The following FAM184B variants were observed in gnomAD, a reference collection of about 807,000 sequenced individuals.
FAM184B encodes family with sequence similarity 184 member B, also known as protein FAM184B.
In FAM184B, 111 loss-of-function variants were observed where a neutral mutation model predicts 135.9. That is an observed-to-expected ratio of 0.82 (90% confidence interval 0.70 to 0.96). The LOEUF is 0.96. Ranked by LOEUF, FAM184B falls within the 40% of genes least tolerant of loss-of-function variation. The probability of loss-of-function intolerance (pLI) is 0.00; values close to 1 mark genes in which losing one functional copy is unlikely to be tolerated. For synonymous variants in FAM184B, 552 were observed against 524.8 expected (o/e 1.05, Z -0.71); for missense variants, 1,375 against 1,323.9 (o/e 1.04, Z -0.60).
rs1239131681 is a variant in FAM184B at position 17,630,452 on chromosome 4, G to C, written c.*2080C>G. On this transcript the variant is annotated 3_prime_UTR_variant, in exon 18 of 18. Transcript: ENST00000265018. The stretch of plus-strand genomic sequence containing the variant: ...TCCACCATGTAAGGACACGTAGCAG[G>C]CACCCATTTCTGAAGAATGGGCCCT... 6.6e-6 allele frequency: 1 copy of C among 152,160 alleles called. No homozygotes were observed. Among genetic ancestry groups the C allele is most frequent in the African/African-American group, 2.4e-5 (1 of 41,432 alleles). The allele number at this position is 152,160 out of a possible 1,614,324, so 9.4% of individuals were successfully genotyped here.
chr4:17,732,022 C>T (rs1260249978), intron 1 of FAM184B, among the ~76,000 whole-genome samples: 5 of 152,066 alleles, frequency 3.3e-5, no homozygotes, highest in Middle Eastern at 3.4e-3. Flanking sequence ...GAACTCAGGA[C>T]TAAGAAACTC....
chr4:17,708,709 A>ATATATATATATG (rs3066655), intron 2 of FAM184B, among the ~76,000 whole-genome samples, 183 bp downstream of exon 2: 2 of 38,858 alleles, frequency 5.1e-5, no homozygotes, highest in African/African-American at 2.0e-4. Flanking sequence ...ATATATATAT[A>ATATATATATATG]GTGTCTGTGT....
In FAM184B at chr4:17,781,204, G is replaced by A. The variant is rs61740086; in HGVS notation, c.96C>T (p.Pro32=). Residue 32 remains proline, a synonymous_variant, in exon 1 of 18, where the codon CCC becomes CCT. Transcript: ENST00000265018. The surrounding 1 kb of genome is among the most constrained non-coding windows in gnomAD (Gnocchi z 6.5). ...GGAGWRMDCD[P]QMHVKMCKKI... Reference sequence around the variant, plus strand: ...TCTTGCACATTTTCACGTGCATCTGGGGATCACAGTCCATTCTCCAGCCGG... The same window carrying A: ...TCTTGCACATTTTCACGTGCATCTGAGGATCACAGTCCATTCTCCAGCCGG... 6.4e-7 allele frequency: 1 copy of A among 1,550,546 alleles called. No individual in the cohort carries two copies.
At chr4:17,749,796 T>C (rs1718252542) in intron 1 of FAM184B, among the ~76,000 whole-genome samples, 1 of 152,242 alleles carries the variant, frequency 6.6e-6, no homozygotes, top group South Asian at 2.1e-4. Context: ...CAGGTTACTT[T>C]CGTGCATATA....
At chr4:17,692,038 C>T (rs10939754) in intron 6 of FAM184B, among the ~76,000 whole-genome samples, 8 of 150,186 alleles carry the variant, frequency 5.3e-5, no homozygotes, top group African/African-American at 1.7e-4. Flanking sequence ...GGCAACAGAG[C>T]GAGACTCCGT....
At chr4:17,775,357 T>C (rs1178526573) in intron 1 of FAM184B, among the ~76,000 whole-genome samples, 1 of 152,062 alleles carries the variant, frequency 6.6e-6, no homozygotes, top group African/African-American at 2.4e-5. Flanking sequence ...AGCTAATTTT[T>C]TGTATTTTTA....
intron 7 of FAM184B, among the ~76,000 whole-genome samples, chr4:17,670,483 G>A (rs757003871): frequency 3.7e-4 from 57 of 152,182 alleles, no homozygotes; most frequent in Non-Finnish European, 5.9e-4. Flanking sequence ...ACAACACAGA[G>A]CCTGTGAAAG....
intron 1 of FAM184B, among the ~76,000 whole-genome samples, chr4:17,740,479 G>C (rs1370250239): frequency 6.6e-6 from 1 of 151,646 alleles, no homozygotes. Context: ...GTAGATATTC[G>C]TAATTCAGGA....
chr4:17,678,419 C>T (rs976673899), intron 7 of FAM184B, among the ~76,000 whole-genome samples: 1 of 152,040 alleles, frequency 6.6e-6, no homozygotes, highest in African/African-American at 2.4e-5. Context: ...ACCCCTTTTA[C>T]AATAGCTGCA....
intron 1 of FAM184B, among the ~76,000 whole-genome samples, chr4:17,726,923 AGAATATTCT>A (rs1363373740): frequency 2.6e-5 from 4 of 152,174 alleles, no homozygotes; most frequent in Admixed American, 2.0e-4. Flanking sequence ...CCAATGGGAT[AGAATATTCT>A]GATTGGCTAA....
intron 6 of FAM184B, among the ~76,000 whole-genome samples, chr4:17,689,875 G>A (rs1716687243): frequency 6.6e-6 from 1 of 152,106 alleles, no homozygotes; most frequent in South Asian, 2.1e-4. Context: ...AGGGCCGGGT[G>A]TGGTGGCTTA....
chr4:17,731,653 T>A (rs182678198), intron 1 of FAM184B, among the ~76,000 whole-genome samples: 1 of 152,184 alleles, frequency 6.6e-6, no homozygotes, highest in Admixed American at 6.5e-5. Context: ...ATGCACCCAA[T>A]ACAGGAGCAC....
At chr4:17,702,179 T>C (rs915731506) in intron 5 of FAM184B, among the ~76,000 whole-genome samples, 2 of 152,178 alleles carry the variant, frequency 1.3e-5, no homozygotes, top group Non-Finnish European at 2.9e-5. Flanking sequence ...TGGTCTTCCA[T>C]TACGCTTGTT....
intron 16 of FAM184B, among the ~76,000 whole-genome samples, chr4:17,634,519 T>C (rs189963676): frequency 6.6e-6 from 1 of 152,268 alleles, no homozygotes; most frequent in Admixed American, 6.5e-5. Flanking sequence ...AGTTGGAGTT[T>C]CACCACGTTG....
At chr4:17,769,686 C>T (rs982553294) in intron 1 of FAM184B, among the ~76,000 whole-genome samples, 5 of 152,146 alleles carry the variant, frequency 3.3e-5, no homozygotes, top group African/African-American at 4.8e-5. Flanking sequence ...GAGGCCTCCC[C>T]ACTCCCCGAT....
rs771274453 is a variant in FAM184B at position 17,694,142 on chromosome 4, C to T, written c.1378-730G>A. On this transcript the variant is annotated intron_variant, in intron 5 of 17. Transcript: ENST00000265018. ...CGAGCACATTTCCTACATTTCCTAACCTCTCAGTGACTCACTGTGCTACTC... is the reference window on the plus strand; with the variant it reads ...CGAGCACATTTCCTACATTTCCTAATCTCTCAGTGACTCACTGTGCTACTC... Among the ~76,000 whole-genome samples the T allele has an allele frequency of 1.5e-3, 226 of 152,218 alleles. 1 individual carries two copies. Among genetic ancestry groups the T allele is most frequent in the Non-Finnish European group, 7.5e-4 (51 of 68,006 alleles).
chr4:17,695,480 T>G (rs1405893770), intron 5 of FAM184B, among the ~76,000 whole-genome samples: 2 of 152,180 alleles, frequency 1.3e-5, no homozygotes, highest in Non-Finnish European at 2.9e-5. Flanking sequence ...TACGGCTTCC[T>G]TCTTGAGTAC....
intron 13 of FAM184B, among the ~76,000 whole-genome samples, chr4:17,641,560 C>A (rs1054108371): frequency 3.6e-5 from 5 of 139,154 alleles, no homozygotes; most frequent in Non-Finnish European, 7.7e-5. Context: ...CTCACTGCAA[C>A]CTGGTCCTCC....
intron 17 of FAM184B, chr4:17,633,461 A>G: frequency 2.4e-6 from 1 of 423,372 alleles, no homozygotes; most frequent in Non-Finnish European, 4.2e-6. Flanking sequence ...CCACAGAGCT[A>G]AGAATGAGGA....
Sources: allele counts gnomAD v4.1 joint callset (sites outside exome capture counted in the v4.1 genomes callset), GRCh38; gene constraint gnomAD v4.1.1; non-coding constraint Gnocchi (gnomAD v3.1); transcripts MANE v1.5; gene names NCBI Gene and HGNC (gene_info 2026-07-23, HGNC 2026-07-21).